The following UTP25 variants were observed in gnomAD, a reference collection of about 807,000 sequenced individuals.
UTP25 encodes the protein U3 small nucleolar RNA-associated protein 25 homolog.
UTP25 carries 50 observed loss-of-function variants against 78.9 expected under a neutral mutation model. The ratio of observed to expected loss-of-function variants is 0.63; its 90% CI spans 0.50 to 0.80. UTP25 has a LOEUF of 0.80. UTP25 is among the 30% of genes least tolerant of loss of function. UTP25 has a pLI of 0.00. For synonymous variants in UTP25, 329 were observed against 336.5 expected (o/e 0.98, Z 0.24); for missense variants, 846 against 911.3 (o/e 0.93, Z 0.92).
chr1:209,855,367 G>A lies in UTP25; in HGVS notation c.*3920G>A, dbSNP rs2078268354. On this transcript the variant is annotated 3_prime_UTR_variant, in exon 12 of 12. Coordinates refer to ENST00000491415, the MANE Select transcript of UTP25 (RefSeq NM_014388.7). ...CTTGCATTACATGTATTTCAGAGTA[G>A]GTCCTAGGCTCCCCTTACACCTCTG... is the stretch of plus-strand genomic sequence containing the variant. 6.6e-6 allele frequency: 1 copy of A among 152,178 alleles called. No individual in the cohort carries two copies. The highest frequency in any genetic ancestry group is 1.5e-5 in the Non-Finnish European group (1 of 68,040). 9.4% of individuals were successfully genotyped at this position (152,178 alleles called of 1,614,324 possible).
At chr1:209,832,773 A>G (rs1041645179) in intron 3 of UTP25, among the ~76,000 whole-genome samples, 1 of 152,126 alleles carries the variant, frequency 6.6e-6, no homozygotes, top group African/African-American at 2.4e-5. Context: ...AGTTTCAGCT[A>G]CTCGGGAGCC....
At position 209,830,696 on chromosome 1, in the gene UTP25, A is replaced by G. The variant is rs935758274; in HGVS notation, c.148-107A>G. 1.5e-5 allele frequency: 22 copies of G among 1,464,538 alleles called. No homozygotes were observed. The East Asian group carries it at 5.2e-4, about 34-fold the overall frequency. 90.7% of individuals were successfully genotyped at this position (1,464,538 alleles called of 1,614,324 possible). ...CATAGCTAGATTAGCAATTTTAAGT[A>G]AATTTGAATTTGGGCTTCGTTGAAT... is the stretch of plus-strand genomic sequence containing the variant. On this transcript the variant is annotated intron_variant, in intron 2 of 11. Coordinates refer to ENST00000491415, the MANE Select transcript of UTP25 (RefSeq NM_014388.7).
rs1350541445 is a variant in UTP25 at position 209,856,094 on chromosome 1, C to G, written c.*4647C>G. The G allele has an allele frequency of 1.3e-5, 2 of 152,214 alleles. No individual in the cohort carries two copies. Among genetic ancestry groups the G allele is most frequent in the African/African-American group, 4.8e-5 (2 of 41,442 alleles). The allele number at this position is 152,214 out of a possible 1,614,324, so 9.4% of individuals were successfully genotyped here. The stretch of plus-strand genomic sequence containing the variant: ...CAAAGCTGGGTGTTGGGACCAACAT[C>G]ACCACTGACATTCTGTGGCTCTAAA... On this transcript the variant is annotated 3_prime_UTR_variant, in exon 12 of 12. Transcript: ENST00000491415.
At chr1:209,837,245 G>C (rs1262832597) in intron 6 of UTP25, 34 bp downstream of exon 6, 4 of 1,595,732 alleles carry the variant, frequency 2.5e-6, no homozygotes, top group Non-Finnish European at 3.4e-6. Flanking sequence ...CTCTCGAGGA[G>C]GTGGCTGCAA....
Position 209,828,092 on chromosome 1 carries a change from G to C in UTP25, c.29G>C (p.Ser10Thr). 6.2e-7 allele frequency: 1 copy of C among 1,614,158 alleles called. No homozygotes were observed. The highest frequency in any genetic ancestry group is 8.5e-7 in the Non-Finnish European group (1 of 1,180,006). The change falls in exon 1 of 12, where the codon AGC (serine) becomes ACC (threonine). Residue 10 changes from serine to threonine, a missense_variant. Transcript: ENST00000491415. ...GGCAAACGCGGGAGCCGGAGCCAGA[G>C]CCAGCTACTCAACACCCTAACTAAA... MGKRGSRSQ[S>T]QLLNTLTKKQ...
intron 10 of UTP25, chr1:209,842,922 A>T: frequency 1.9e-6 from 1 of 536,662 alleles, no homozygotes; most frequent in South Asian, 2.4e-5. Flanking sequence ...TATTACTATA[A>T]ATCAGGACTC....
At chr1:209,831,992 A>T (rs180868053) in intron 3 of UTP25, among the ~76,000 whole-genome samples, 11 of 148,324 alleles carry the variant, frequency 7.4e-5, no homozygotes, top group African/African-American at 2.0e-4. Flanking sequence ...TTATAGCCTT[A>T]TTTTTTTTTT....
rs567972957 is a variant in UTP25 at position 209,829,555 on chromosome 1, C to T, written c.108-553C>T. 1.3e-4 allele frequency among the ~76,000 whole-genome samples: 20 copies of T among 151,728 alleles called. No homozygotes were observed. In the South Asian group the frequency reaches 4.2e-3, roughly 32 times the overall value. ...TTGGAATCCAGTGCTGCAATCCTGG[C>T]TCACTGCAGCCACCACCTCCTGGGC... On this transcript the variant is annotated intron_variant, in intron 1 of 11. Coordinates refer to ENST00000491415, the MANE Select transcript of UTP25 (RefSeq NM_014388.7).
chr1:209,831,105 G>A (rs868234592), intron 3 of UTP25, 62 bp downstream of exon 3: 3 of 1,560,364 alleles, frequency 1.9e-6, no homozygotes, highest in African/African-American at 1.4e-5. Context: ...CATCTCATGA[G>A]CATGGTACCT....
chr1:209,837,309 T>C (rs2078139316), intron 6 of UTP25, 98 bp downstream of exon 6: 1 of 1,370,532 alleles, frequency 7.3e-7, no homozygotes. Context: ...ATTTTAATAA[T>C]TGACTGGCAT....
Position 209,852,278 on chromosome 1 carries a change from TGA to T in UTP25, c.*835_*836del, listed in dbSNP as rs1283995226. 2.0e-5 allele frequency: 3 copies of T among 152,220 alleles called. No individual in the cohort carries two copies. The highest frequency in any genetic ancestry group is 1.9e-4 in the East Asian group (1 of 5,200). 9.4% of individuals were successfully genotyped at this position (152,220 alleles called of 1,614,324 possible). On this transcript the variant is annotated 3_prime_UTR_variant, in exon 12 of 12. Coordinates refer to ENST00000491415, the MANE Select transcript of UTP25 (RefSeq NM_014388.7). ...TTCCAAGTACAGAACCTGAACCATT[TGA>T]GAGTGAGTTGCCAACCCAGTGGGCC...
In UTP25 at chr1:209,854,836, C is replaced by T. The variant is rs1192186829; in HGVS notation, c.*3389C>T. The T allele has an allele frequency of 1.3e-5, 2 of 152,182 alleles. No homozygotes were observed. Among genetic ancestry groups the T allele is most frequent in the African/African-American group, 4.8e-5 (2 of 41,448 alleles). The allele number at this position is 152,182 out of a possible 1,614,324, so 9.4% of individuals were successfully genotyped here. A position where few individuals can be genotyped will look rare whatever the true frequency, so the allele number is the denominator to read the frequency against. On this transcript the variant is annotated 3_prime_UTR_variant, in exon 12 of 12. Transcript: ENST00000491415. Reference sequence around the variant, plus strand: ...TGGAATGCTCAGAAGTGGCTCTTTTCAGGGCACGGCTTCTGAGGAGCGTGG... The same window carrying T: ...TGGAATGCTCAGAAGTGGCTCTTTTTAGGGCACGGCTTCTGAGGAGCGTGG...
chr1:209,849,162 T>C (rs574813943), intron 11 of UTP25, among the ~76,000 whole-genome samples: 3 of 152,218 alleles, frequency 2.0e-5, no homozygotes, highest in Non-Finnish European at 4.4e-5. Flanking sequence ...CCAGCTCAAT[T>C]TTTGGCAGGC....
chr1:209,839,887 T>C (rs1006809354), intron 7 of UTP25, among the ~76,000 whole-genome samples: 8 of 152,176 alleles, frequency 5.3e-5, no homozygotes, highest in Non-Finnish European at 8.8e-5. Context: ...CAAACCCCCT[T>C]ACCCAAAATG....
Position 209,839,080 on chromosome 1 carries a change from G to A in UTP25, c.1234G>A (p.Asp412Asn), listed in dbSNP as rs1247638716. ...ERPPNLKRPE[D>N]YEAVFVGNID... Reference sequence around the variant, plus strand: ...ACCACCCAACTTGAAGAGGCCTGAGGATTATGAAGCCGTATTTGTGGGCAA... The same window carrying A: ...ACCACCCAACTTGAAGAGGCCTGAGAATTATGAAGCCGTATTTGTGGGCAA... Residue 412 changes from aspartate to asparagine, a missense_variant, in exon 7 of 12, where the codon GAT becomes AAT. Physicochemically the swap from Asp to Asn is conservative, Grantham distance 23. Transcript: ENST00000491415. The A allele has an allele frequency of 6.2e-7, 1 of 1,614,000 alleles. No homozygotes were observed. The highest frequency in any genetic ancestry group is 8.5e-7 in the Non-Finnish European group (1 of 1,179,906).
rs2078252117 is a variant in UTP25 at position 209,853,369 on chromosome 1, T to G, written c.*1922T>G. ...TGTAATTACCTGGATCTTTTTTTTT[T>G]TTTTTGAGATGGAGTCTCGCTCTGT... is the stretch of plus-strand genomic sequence containing the variant. On this transcript the variant is annotated 3_prime_UTR_variant, in exon 12 of 12. Coordinates refer to ENST00000491415, the MANE Select transcript of UTP25 (RefSeq NM_014388.7). 6.6e-6 allele frequency: 1 copy of G among 152,090 alleles called. No individual in the cohort carries two copies. Among genetic ancestry groups the G allele is most frequent in the African/African-American group, 2.4e-5 (1 of 41,408 alleles). 9.4% of individuals were successfully genotyped at this position (152,090 alleles called of 1,614,324 possible).
chr1:209,835,617 A>G (rs1183408621), intron 5 of UTP25, among the ~76,000 whole-genome samples: 6 of 152,146 alleles, frequency 3.9e-5, no homozygotes, highest in African/African-American at 1.4e-4. Flanking sequence ...TAGGTCCACA[A>G]ATAAATTATC....
Position 209,837,359 on chromosome 1 carries a change from GT to G in UTP25, c.1062+149del, listed in dbSNP as rs1189236271. ...AATGTGAGCATATTAAGTAGGCCAG[GT>G]AGTGTCAGAGCAGCACTGCAGCAGC... On this transcript the variant is annotated intron_variant, in intron 6 of 11. Transcript: ENST00000491415. 6.3e-6 allele frequency: 6 copies of G among 951,714 alleles called. No homozygotes were observed. In the East Asian group the frequency reaches 1.6e-4, roughly 25 times the overall value. The allele number at this position is 951,714 out of a possible 1,614,324, so 59.0% of individuals were successfully genotyped here. A position where few individuals can be genotyped will look rare whatever the true frequency, so the allele number is the denominator to read the frequency against.
At position 209,843,506 on chromosome 1, in the gene UTP25, C is replaced by T. The variant is rs1419768012; in HGVS notation, c.1837C>T (p.His613Tyr). ...LPQYRDAVMS[H>Y]TLIYIPSYFD... ...ACAGTATCGTGATGCAGTCATGTCT[C>T]ACACGCTCATCTATATCCCCTCCTA... Residue 613 changes from histidine to tyrosine, a missense_variant, in exon 11 of 12, where the codon CAC (histidine) becomes TAC (tyrosine). By Grantham distance (83) the His-to-Tyr change is moderately conservative. Coordinates refer to ENST00000491415, the MANE Select transcript of UTP25 (RefSeq NM_014388.7). 1.2e-6 allele frequency: 2 copies of T among 1,614,044 alleles called. No individual in the cohort carries two copies. The highest frequency in any genetic ancestry group is 1.7e-6 in the Non-Finnish European group (2 of 1,180,022).
Sources: allele counts gnomAD v4.1 joint callset (sites outside exome capture counted in the v4.1 genomes callset), GRCh38; gene constraint gnomAD v4.1.1; transcripts MANE v1.5; gene names NCBI Gene and HGNC (gene_info 2026-07-23, HGNC 2026-07-21).